The following GRK3 variants were observed in gnomAD, a reference collection of about 807,000 sequenced individuals.
GRK3 encodes the protein adrenergic, beta, receptor kinase 2.
GRK3 carries 54 observed loss-of-function variants against 95.7 expected under a neutral mutation model. The observed-to-expected ratio is 0.56, with a 90% confidence interval of 0.45 to 0.71. The LOEUF (loss-of-function observed/expected upper bound fraction) is 0.71. Ranked by LOEUF, GRK3 falls within the 30% of genes least tolerant of loss-of-function variation. The pLI is 0.00. For missense variants in GRK3, 649 were observed against 851.2 expected, an observed-to-expected ratio of 0.76 and a Z score of 2.96; for synonymous variants, 281 against 290.8, an observed-to-expected ratio of 0.97 and a Z score of 0.34.
At chr22:25,604,632 A>G (rs1313938726) in intron 2 of GRK3, among the ~76,000 whole-genome samples, 179 bp downstream of exon 2, 1 of 152,240 alleles carries the variant, frequency 6.6e-6, no homozygotes, top group Non-Finnish European at 1.5e-5. Context: ...CTAGTAACAT[A>G]TTCTATGATT....
At chr22:25,693,755 C>T (rs2085183610) in intron 12 of GRK3, among the ~76,000 whole-genome samples, 1 of 149,898 alleles carries the variant, frequency 6.7e-6, no homozygotes, top group African/African-American at 2.5e-5. Context: ...TGTTGCTGAG[C>T]ATAAGCAAGT....
chr22:25,690,036 G>C (rs2085152608), intron 11 of GRK3, among the ~76,000 whole-genome samples, 153 bp from the exon 12 acceptor site: 1 of 152,138 alleles, frequency 6.6e-6, no homozygotes, highest in South Asian at 2.1e-4. Flanking sequence ...TCAGTATCAT[G>C]CCCCACTTTG....
Position 25,716,050 on chromosome 22 carries a change from G to A in GRK3, c.1654+1480G>A, listed in dbSNP as rs186326189. ...CACCCAGGTTGGAGTGCAGTGGCGC[G>A]ATCTCGGCTCACTGCAACCTCCGCC... On this transcript the variant is annotated intron_variant, in intron 18 of 20. Coordinates refer to ENST00000324198, the MANE Select transcript of GRK3 (RefSeq NM_005160.4). 2.2e-4 allele frequency among the ~76,000 whole-genome samples: 33 copies of A among 152,120 alleles called. No homozygotes were observed. The East Asian group carries it at 6.0e-3, about 28-fold the overall frequency.
intron 1 of GRK3, among the ~76,000 whole-genome samples, chr22:25,569,459 C>G (rs1931606609): frequency 6.6e-6 from 1 of 152,164 alleles, no homozygotes; most frequent in African/African-American, 2.4e-5. Context: ...AATCGAGAGC[C>G]TCATAGATCT....
At chr22:25,633,218 A>G (rs1349897227) in intron 2 of GRK3, among the ~76,000 whole-genome samples, 2 of 152,108 alleles carry the variant, frequency 1.3e-5, no homozygotes, top group East Asian at 1.9e-4. Flanking sequence ...TGCCCGGCCT[A>G]TAATATATCT....
At chr22:25,619,161 A>G (rs2084561782) in intron 2 of GRK3, among the ~76,000 whole-genome samples, 1 of 152,174 alleles carries the variant, frequency 6.6e-6, no homozygotes, top group Non-Finnish European at 1.5e-5. Context: ...ATGGTGCAAC[A>G]CAAACATGAT....
At chr22:25,567,481 A>G (rs1189104051) in intron 1 of GRK3, among the ~76,000 whole-genome samples, 13 of 152,212 alleles carry the variant, frequency 8.5e-5, no homozygotes. Context: ...TAGATCCTGT[A>G]AAAAAGTTAA....
intron 2 of GRK3, among the ~76,000 whole-genome samples, chr22:25,611,540 G>A (rs2084497656): frequency 6.6e-6 from 1 of 152,096 alleles, no homozygotes; most frequent in Non-Finnish European, 1.5e-5. Flanking sequence ...GTATCTTGTT[G>A]TGGTCTTGAT....
intron 3 of GRK3, chr22:25,648,764 T>G (rs2084806382): frequency 1.7e-6 from 2 of 1,153,210 alleles, no homozygotes; most frequent in African/African-American, 3.0e-5. Flanking sequence ...TGGCATATAT[T>G]AAAAGAATGA....
At chr22:25,600,690 C>G (rs777951200) in intron 1 of GRK3, among the ~76,000 whole-genome samples, 1 of 152,038 alleles carries the variant, frequency 6.6e-6, no homozygotes, top group Non-Finnish European at 1.5e-5. Flanking sequence ...CTTGAGCATC[C>G]TAGGATTTTG....
chr22:25,585,656 T>C (rs1932273676), intron 1 of GRK3, among the ~76,000 whole-genome samples: 1 of 152,276 alleles, frequency 6.6e-6, no homozygotes, highest in South Asian at 2.1e-4. Flanking sequence ...TCCACTGTCA[T>C]TTATGAGTTG....
rs2085479493 is a variant in GRK3, at chr22:25,726,953, GT to G, written c.*4504del. ...TGTGTGTGTGTGTGTGTGTGTGTGT[GT>G]GTGCACTTTGCAGCCCCCGAGGTGG... On this transcript the variant is annotated 3_prime_UTR_variant, in exon 21 of 21. Transcript: ENST00000324198. 1 of 152,584 alleles carries G rather than the reference GT, an allele frequency of 6.6e-6. No individual in the cohort carries two copies. The highest frequency in any genetic ancestry group is 2.1e-4 in the South Asian group (1 of 4,756). 9.5% of individuals were successfully genotyped at this position (152,584 alleles called of 1,614,324 possible). A position where few individuals can be genotyped will look rare whatever the true frequency, so the allele number is the denominator to read the frequency against.
intron 13 of GRK3, among the ~76,000 whole-genome samples, chr22:25,699,798 A>G (rs2085243334): frequency 6.8e-6 from 1 of 146,864 alleles, no homozygotes; most frequent in Non-Finnish European, 1.5e-5. Context: ...TCACGGATTC[A>G]CGCCATTCTC....
chr22:25,604,013 G>T (rs897431504), intron 1 of GRK3, among the ~76,000 whole-genome samples: 6 of 152,108 alleles, frequency 3.9e-5, no homozygotes, highest in Non-Finnish European at 8.8e-5. Context: ...TGTGGTGGGG[G>T]GGCACAGGCA....
intron 1 of GRK3, among the ~76,000 whole-genome samples, chr22:25,595,213 ACTGT>A (rs1348175074): frequency 5.3e-5 from 8 of 152,212 alleles, no homozygotes; most frequent in African/African-American, 1.7e-4. Flanking sequence ...AAGGAGTCAA[ACTGT>A]CTTTCTTTGC....
chr22:25,712,489 C>G lies in GRK3; in HGVS notation c.1491+1326C>G, dbSNP rs760066006. On this transcript the variant is annotated intron_variant, in intron 17 of 20. Coordinates refer to ENST00000324198, the MANE Select transcript of GRK3 (RefSeq NM_005160.4). ...CACCTGCTGTATACCACTATCTGTC[C>G]GTCAGAGTACTAAAAATAAAACACT... Among the ~76,000 whole-genome samples the G allele has an allele frequency of 4.5e-4, 68 of 152,342 alleles. 1 individual carries two copies. The Middle Eastern group carries it at 0.024, about 53-fold the overall frequency.
rs2085362214 is a variant in GRK3, at chr22:25,713,799, A to G, written c.1492-609A>G. ...CATTAAGTATAATTTTTGTTCCAGC[A>G]GCTCTTAAAGGCTCCATTGCCTGAA... On this transcript the variant is annotated intron_variant, in intron 17 of 20. Coordinates refer to ENST00000324198, the MANE Select transcript of GRK3 (RefSeq NM_005160.4). Among the ~76,000 whole-genome samples, 3 of 152,214 alleles carry G rather than the reference A, an allele frequency of 2.0e-5. No homozygotes were observed. In the South Asian group the frequency reaches 6.2e-4, roughly 32 times the overall value.
chr22:25,647,020 C>CAAAAAAAAAA (rs1025786169), intron 3 of GRK3, among the ~76,000 whole-genome samples: 1 of 54,010 alleles, frequency 1.9e-5, no homozygotes. Flanking sequence ...GACTTTGTCT[C>CAAAAAAAAAA]AAAAAAAAAA....
At chr22:25,693,435 A>T (rs1045192032) in intron 12 of GRK3, among the ~76,000 whole-genome samples, 2 of 152,226 alleles carry the variant, frequency 1.3e-5, no homozygotes, top group Admixed American at 6.5e-5. Context: ...CCTGATAAGT[A>T]CAGGTTACAA....
Sources: allele counts gnomAD v4.1 joint callset (sites outside exome capture counted in the v4.1 genomes callset), GRCh38; gene constraint gnomAD v4.1.1; transcripts MANE v1.5; gene names NCBI Gene and HGNC (gene_info 2026-07-23, HGNC 2026-07-21).